AKAP19: variants seen among roughly 807,000 people sequenced by gnomAD.
AKAP19 encodes A-kinase anchoring protein 19.
the AKAP19 span, among the ~76,000 whole-genome samples, chr2:189,923,104 T>A: frequency 2.6e-5 from 4 of 152,244 alleles, no homozygotes; most frequent in East Asian, 7.7e-4. Context: ...TGAGCCAAGA[T>A]CGCACCACTG....
chr2:190,036,805 C>T, the AKAP19 span, among the ~76,000 whole-genome samples: 2 of 152,282 alleles, frequency 1.3e-5, no homozygotes, highest in South Asian at 4.1e-4. Context: ...ATCCCTTAAG[C>T]ATAACAGATT....
At chr2:190,081,370 T>G in the AKAP19 span, among the ~76,000 whole-genome samples, 1 of 152,024 alleles carries the variant, frequency 6.6e-6, no homozygotes, top group African/African-American at 2.4e-5. Context: ...TTTCCTCTCC[T>G]CTCCCTCCCA....
chr2:189,923,082 C>T, the AKAP19 span, among the ~76,000 whole-genome samples: 1 of 152,086 alleles, frequency 6.6e-6, no homozygotes, highest in African/African-American at 2.4e-5. Context: ...ACATGGGAGG[C>T]GGAGGTTGCA....
At chr2:189,889,659 G>A in the AKAP19 span, among the ~76,000 whole-genome samples, 5 of 152,152 alleles carry the variant, frequency 3.3e-5, no homozygotes, top group African/African-American at 9.7e-5. Flanking sequence ...AGTCTTGGGA[G>A]GGTGTATGTG....
At chr2:190,192,454 G>C in the AKAP19 span, among the ~76,000 whole-genome samples, 2 of 64,204 alleles carry the variant, frequency 3.1e-5, no homozygotes, top group South Asian at 4.1e-4. Flanking sequence ...TTCAGAATCT[G>C]TGTGTGTGTG....
the AKAP19 span, among the ~76,000 whole-genome samples, chr2:189,911,598 T>C: frequency 6.6e-6 from 1 of 152,152 alleles, no homozygotes; most frequent in Non-Finnish European, 1.5e-5. Flanking sequence ...TAGTTTACTC[T>C]GGAAATTTGA....
At chr2:190,016,605 G>T in the AKAP19 span, among the ~76,000 whole-genome samples, 1 of 152,176 alleles carries the variant, frequency 6.6e-6, no homozygotes, top group Non-Finnish European at 1.5e-5. Context: ...TTTCTAGTTT[G>T]TGTCCTGTTA....
the AKAP19 span, among the ~76,000 whole-genome samples, chr2:190,148,814 T>G: frequency 5.0e-3 from 761 of 152,344 alleles, 5 homozygotes; most frequent in African/African-American, 0.018. Context: ...TAAAGTAGCC[T>G]TGAATTATCT....
At chr2:190,201,742 T>C in the AKAP19 span, 1 of 167,032 alleles carries the variant, frequency 6.0e-6, no homozygotes, top group South Asian at 2.1e-4. Flanking sequence ...TACTGTCCCA[T>C]TGTACTTGCA....
chr2:189,892,406 G>A, the AKAP19 span, among the ~76,000 whole-genome samples: 1 of 152,038 alleles, frequency 6.6e-6, no homozygotes, highest in South Asian at 2.1e-4. Context: ...GGTGACTTTC[G>A]GGTGCGGTTT....
the AKAP19 span, among the ~76,000 whole-genome samples, chr2:189,904,430 CT>C: frequency 8.5e-5 from 13 of 152,108 alleles, no homozygotes; most frequent in African/African-American, 3.1e-4. Flanking sequence ...GCCAATTATA[CT>C]TTGTCATACA....
the AKAP19 span, chr2:189,923,665 C>T: frequency 1.9e-6 from 3 of 1,613,964 alleles, no homozygotes; most frequent in Non-Finnish European, 2.5e-6. Flanking sequence ...CCTCTTTTGA[C>T]TTGGATTGTG....
chr2:190,042,442 A>AT, the AKAP19 span, among the ~76,000 whole-genome samples: 58 of 141,680 alleles, frequency 4.1e-4, no homozygotes, highest in Admixed American at 1.8e-3. Flanking sequence ...TATTTTATTA[A>AT]TTTTTTTTTT....
chr2:190,133,155 G>A, the AKAP19 span, among the ~76,000 whole-genome samples: 1 of 145,934 alleles, frequency 6.9e-6, no homozygotes, highest in Non-Finnish European at 1.5e-5. Context: ...GGAGAATAGC[G>A]TGAACCCAGG....
At chr2:189,967,885 A>T in the AKAP19 span, among the ~76,000 whole-genome samples, 1 of 152,086 alleles carries the variant, frequency 6.6e-6, no homozygotes, top group Non-Finnish European at 1.5e-5. Context: ...GTCTAAAGTC[A>T]TAATAAAGTT....
chr2:190,187,156 T>TTATA, the AKAP19 span, among the ~76,000 whole-genome samples: 1 of 151,282 alleles, frequency 6.6e-6, no homozygotes, highest in East Asian at 1.9e-4. Context: ...GAAAGACATT[T>TTATA]TATATATATA....
chr2:189,966,461 G>A, the AKAP19 span, among the ~76,000 whole-genome samples: 2 of 152,190 alleles, frequency 1.3e-5, no homozygotes, highest in African/African-American at 4.8e-5. Context: ...AGATATGCCT[G>A]AATATAATAT....
chr2:189,879,736 C>A, the AKAP19 span: 1 of 152,230 alleles, frequency 6.6e-6, no homozygotes, highest in African/African-American at 2.4e-5. Context: ...GCGAGGAGAT[C>A]CGAAGGAAAA....
chr2:190,057,407 C>T, the AKAP19 span: 7 of 1,613,422 alleles, frequency 4.3e-6, no homozygotes, highest in Non-Finnish European at 5.9e-6. Context: ...GCTTGGTGTA[C>T]CAGATGAGTA....
Sources: allele counts gnomAD v4.1 joint callset (sites outside exome capture counted in the v4.1 genomes callset), GRCh38; gene constraint gnomAD v4.1.1; transcripts MANE v1.5; gene names NCBI Gene and HGNC (gene_info 2026-07-23, HGNC 2026-07-21).